Variants in PTK2B observed in about 807,000 individuals in gnomAD.
The protein encoded by PTK2B is protein tyrosine kinase 2 beta, also known as protein-tyrosine kinase 2-beta.
PTK2B carries 71 observed loss-of-function variants against 142.9 expected under a neutral mutation model. The observed-to-expected ratio is 0.50, with a 90% CI of 0.41 to 0.61. The LOEUF (loss-of-function observed/expected upper bound fraction) is 0.61. Among genes scored for constraint, PTK2B ranks in the 20% least tolerant of loss-of-function variants. The pLI, the probability that PTK2B is intolerant of heterozygous loss-of-function variation, is 0.00. For missense variants in PTK2B, 1,105 were observed against 1,320.4 expected (o/e 0.84, Z 2.53); for synonymous variants, 519 against 503.4 (o/e 1.03, Z -0.42).
intron 1 of PTK2B, among the ~76,000 whole-genome samples, chr8:27,377,636 G>A (rs938627994): frequency 6.6e-6 from 1 of 152,200 alleles, no homozygotes; most frequent in African/African-American, 2.4e-5. Context: ...GGCCACCTCC[G>A]GAGGCAGGAG....
rs1246807451 is a variant in PTK2B at position 27,451,451 on chromosome 8, G to A, written c.2524-34G>A. ...GGGGGTTGTCTCCACAGCCGCATGA[G>A]TGACGTTCCTGTTCTCTTTCCTCCT... On this transcript the variant is annotated intron_variant, in intron 26 of 30. Coordinates refer to ENST00000346049, the MANE Select transcript of PTK2B (RefSeq NM_173176.3). 1.9e-6 allele frequency: 3 copies of A among 1,613,334 alleles called. No individual in the cohort carries two copies. The African/African-American group carries it at 4.0e-5, about 22-fold the overall frequency.
chr8:27,437,016 C>G, intron 15 of PTK2B, 106 bp from the exon 16 acceptor site: 1 of 1,031,798 alleles, frequency 9.7e-7, no homozygotes, highest in South Asian at 1.3e-5. Context: ...GAGAAAGGGC[C>G]CTTTCCTGGC....
chr8:27,335,652 ACT>A (rs1184853067), intron 1 of PTK2B, among the ~76,000 whole-genome samples: 1 of 151,496 alleles, frequency 6.6e-6, no homozygotes, highest in Non-Finnish European at 1.5e-5. Flanking sequence ...AACACTGAAG[ACT>A]CAGCCCCAGC....
At chr8:27,395,500 G>C (rs1005141663) in intron 1 of PTK2B, among the ~76,000 whole-genome samples, 4 of 152,136 alleles carry the variant, frequency 2.6e-5, no homozygotes, top group African/African-American at 9.7e-5. Flanking sequence ...CTGTAGCAGG[G>C]CTGCCACTGT....
upstream of PTK2B, chr8:27,311,201 G>A (rs1315357495): frequency 1.3e-6 from 2 of 1,595,256 alleles, no homozygotes; most frequent in Admixed American, 1.7e-5. Context: ...GAAGGAGCGG[G>A]AAGGCCCGGG....
intron 1 of PTK2B, among the ~76,000 whole-genome samples, chr8:27,388,995 T>C (rs1462459093): frequency 2.6e-5 from 4 of 152,120 alleles, no homozygotes; most frequent in Non-Finnish European, 5.9e-5. Flanking sequence ...TGTCATGGGG[T>C]TTCCTGATCT....
Position 27,351,213 on chromosome 8 carries a change from A to AAT in PTK2B, c.-38+25543_-38+25544dup, listed in dbSNP as rs1318159587. ...AGCAAGACCCTGTCTCTAAAAATGA[A>AAT]ATATATATATATTTCACAAGGAGCA... On this transcript the variant is annotated intron_variant, in intron 1 of 30. Coordinates refer to ENST00000346049, the MANE Select transcript of PTK2B (RefSeq NM_173176.3). Among the ~76,000 whole-genome samples the AAT allele has an allele frequency of 3.1e-4, 47 of 149,428 alleles. 1 individual carries two copies. The highest frequency in any genetic ancestry group is 1.0e-3 in the African/African-American group (42 of 40,488).
At chr8:27,409,346 C>T (rs1371923118) in intron 2 of PTK2B, among the ~76,000 whole-genome samples, 4 of 152,090 alleles carry the variant, frequency 2.6e-5, no homozygotes, top group African/African-American at 4.8e-5. Context: ...TCATAGTGCT[C>T]TCTGGGCCTT....
chr8:27,390,015 G>A (rs1161398579), intron 1 of PTK2B, among the ~76,000 whole-genome samples: 1 of 152,246 alleles, frequency 6.6e-6, no homozygotes, highest in Non-Finnish European at 1.5e-5. Flanking sequence ...TGTGGAAACA[G>A]CAAGGGGAAG....
rs17057073 is a variant in PTK2B, at chr8:27,389,099, G to A, written c.-37-8449G>A. 8.7e-3 allele frequency among the ~76,000 whole-genome samples: 1,321 copies of A among 152,296 alleles called. 17 individuals are homozygous for A. Among genetic ancestry groups the A allele is most frequent in the African/African-American group, 0.031 (1,279 of 41,544 alleles). On this transcript the variant is annotated intron_variant, in intron 1 of 30. Transcript: ENST00000346049. Reference sequence around the variant, plus strand: ...CATGCTTAGAGTTCTATTAGAGACCGTAGCAGGCTGTGGCTGTTTTTGTGT... The same window carrying A: ...CATGCTTAGAGTTCTATTAGAGACCATAGCAGGCTGTGGCTGTTTTTGTGT...
intron 1 of PTK2B, chr8:27,380,574 A>C (rs1318398763): frequency 6.6e-6 from 1 of 151,966 alleles, no homozygotes; most frequent in Non-Finnish European, 1.5e-5. Flanking sequence ...CTTTTTTCCC[A>C]ATAAAGGGCT....
chr8:27,335,627 A>G (rs1489556223), intron 1 of PTK2B, among the ~76,000 whole-genome samples: 3 of 151,626 alleles, frequency 2.0e-5, no homozygotes, highest in Non-Finnish European at 4.4e-5. Context: ...GAAAAGAAAA[A>G]TGCTTTCTGC....
At chr8:27,426,440 A>G (rs558570451) in intron 5 of PTK2B, among the ~76,000 whole-genome samples, 1 of 152,326 alleles carries the variant, frequency 6.6e-6, no homozygotes, top group South Asian at 2.1e-4. Context: ...GTCCAGGCAT[A>G]TTTGGGAGAC....
At chr8:27,350,414 G>A (rs925324793) in intron 1 of PTK2B, among the ~76,000 whole-genome samples, 1 of 152,104 alleles carries the variant, frequency 6.6e-6, no homozygotes, top group South Asian at 2.1e-4. Flanking sequence ...AAATAACAGA[G>A]CATCTCAGCA....
chr8:27,382,293 A>T (rs1343354734), intron 1 of PTK2B, among the ~76,000 whole-genome samples: 2 of 149,556 alleles, frequency 1.3e-5, no homozygotes, highest in Non-Finnish European at 3.0e-5. Context: ...TTTGCTCATT[A>T]AAAAAAAATT....
At chr8:27,379,402 A>AT (rs1377273956) in intron 1 of PTK2B, among the ~76,000 whole-genome samples, 4 of 152,044 alleles carry the variant, frequency 2.6e-5, no homozygotes, top group African/African-American at 7.2e-5. Context: ...CTTTTTAAAA[A>AT]TTTTTTGTAG....
At chr8:27,372,765 A>T (rs1305559111) in intron 1 of PTK2B, among the ~76,000 whole-genome samples, 1 of 152,152 alleles carries the variant, frequency 6.6e-6, no homozygotes, top group African/African-American at 2.4e-5. Flanking sequence ...TTCTGGAGGG[A>T]AGGGTAACCC....
At chr8:27,391,410 T>C (rs951839247) in intron 1 of PTK2B, among the ~76,000 whole-genome samples, 2 of 152,204 alleles carry the variant, frequency 1.3e-5, no homozygotes, top group African/African-American at 4.8e-5. Flanking sequence ...AACAGAACTT[T>C]CAGTCCTCAA....
At chr8:27,331,410 G>A (rs1277221863) in intron 1 of PTK2B, among the ~76,000 whole-genome samples, 1 of 152,166 alleles carries the variant, frequency 6.6e-6, no homozygotes, top group Non-Finnish European at 1.5e-5. Flanking sequence ...ACCTGGGACG[G>A]AATGGCCCCT....
Sources: gnomAD v4.1 joint callset for allele counts (sites outside exome capture counted in the v4.1 genomes callset) on GRCh38, gnomAD v4.1.1 for gene constraint, MANE v1.5 for transcripts, NCBI Gene and HGNC (gene_info 2026-07-23, HGNC 2026-07-21) for gene names.